TGFBR3: variants seen among roughly 807,000 people sequenced by gnomAD.
TGFBR3 encodes the protein transforming growth factor beta receptor type 3.
A neutral mutation model predicts 87.9 loss-of-function variants in TGFBR3; 46 were observed. The ratio of observed to expected loss-of-function variants is 0.52; its 90% CI spans 0.41 to 0.67. The LOEUF (loss-of-function observed/expected upper bound fraction) is 0.67. Among genes scored for constraint, TGFBR3 ranks in the 30% least tolerant of loss-of-function variants. The pLI, the probability that TGFBR3 is intolerant of heterozygous loss-of-function variation, is 0.00. For synonymous variants in TGFBR3, 381 were observed against 391.6 expected (o/e 0.97, Z 0.32); for missense variants, 866 against 1,041.9 (o/e 0.83, Z 2.32).
chr1:91,681,883 C>T lies in TGFBR3; in HGVS notation c.*1856G>A, dbSNP rs1293780173. On this transcript the variant is annotated 3_prime_UTR_variant, in exon 17 of 17. Coordinates refer to ENST00000212355, the MANE Select transcript of TGFBR3 (RefSeq NM_003243.5). ...CAGGTAGCGTAATCTAGGTCCTCCA[C>T]TCTGATACCCTTCTGTTAAAAAAAA... 8.9e-6 allele frequency: 4 copies of T among 451,164 alleles called. No individual in the cohort carries two copies. In the East Asian group the frequency reaches 2.1e-4, roughly 23 times the overall value. 27.9% of individuals were successfully genotyped at this position (451,164 alleles called of 1,614,324 possible).
At chr1:91,874,778 C>T (rs1018941601) in intron 1 of TGFBR3, among the ~76,000 whole-genome samples, 1 of 152,132 alleles carries the variant, frequency 6.6e-6, no homozygotes, top group Non-Finnish European at 1.5e-5. Flanking sequence ...CAGGCGTGAG[C>T]CACTGCGCCC....
intron 1 of TGFBR3, among the ~76,000 whole-genome samples, chr1:91,901,569 T>G (rs535268465): frequency 1.4e-4 from 21 of 152,302 alleles, no homozygotes; most frequent in South Asian, 6.2e-4. Context: ...ATAACATGTT[T>G]AAAGACATCA....
At chr1:91,719,016 G>A (rs1253706422) in intron 10 of TGFBR3, among the ~76,000 whole-genome samples, 1 of 152,184 alleles carries the variant, frequency 6.6e-6, no homozygotes, top group East Asian at 1.9e-4. Flanking sequence ...GGCCAGTTGA[G>A]CTTGGGCACT....
intron 3 of TGFBR3, among the ~76,000 whole-genome samples, chr1:91,780,826 G>A (rs1674736608): frequency 6.6e-6 from 1 of 151,286 alleles, no homozygotes; most frequent in Non-Finnish European, 1.5e-5. Flanking sequence ...CCAAAGTGCT[G>A]GGATTACAGG....
At chr1:91,864,184 A>C (rs1450150662) in intron 1 of TGFBR3, 1 of 152,254 alleles carries the variant, frequency 6.6e-6, no homozygotes, top group Non-Finnish European at 1.5e-5. Context: ...GCTTGTGGGA[A>C]TATTTAATGA....
At chr1:91,898,105 GAA>G (rs1365628330) in intron 2 of TGFBR3, among the ~76,000 whole-genome samples, 1 of 150,190 alleles carries the variant, frequency 6.7e-6, no homozygotes, top group Admixed American at 6.6e-5. Flanking sequence ...AGGAAAAAAA[GAA>G]AAAAAATTAC....
chr1:91,788,934 G>A (rs1419110696), intron 3 of TGFBR3, among the ~76,000 whole-genome samples: 1 of 152,192 alleles, frequency 6.6e-6, no homozygotes, highest in Non-Finnish European at 1.5e-5. Context: ...GTACAGGTCA[G>A]GGTTCTAACC....
At position 91,712,510 on chromosome 1, in the gene TGFBR3, T is replaced by C; in HGVS notation, c.1899A>G (p.Gly633=). The change falls in exon 13 of 17, where the codon GGA becomes GGG. Residue 633 remains glycine, a synonymous_variant. Transcript: ENST00000212355. The stretch of plus-strand genomic sequence containing the variant: ...AGATAAAGCACGTTTGGATGGCAAA[T>C]CCCAGTTCTTGTTCAGCCTTAGTAA... ...VSVTKAEQEL[G]FAIQTCFISP... is the part of the protein sequence containing the mutation. 1 of 1,614,162 alleles carries C rather than the reference T, an allele frequency of 6.2e-7. No homozygotes were observed. The highest frequency in any genetic ancestry group is 8.5e-7 in the Non-Finnish European group (1 of 1,180,012).
intron 2 of TGFBR3, among the ~76,000 whole-genome samples, chr1:91,799,812 C>T (rs1675533728): frequency 6.6e-6 from 1 of 152,148 alleles, no homozygotes; most frequent in Admixed American, 6.5e-5. Flanking sequence ...CTCACCTCCA[C>T]ACTGGGGCAG....
intron 1 of TGFBR3, among the ~76,000 whole-genome samples, chr1:91,869,304 A>G (rs1678499478): frequency 1.3e-5 from 2 of 152,238 alleles, no homozygotes; most frequent in South Asian, 4.1e-4. Context: ...CACTTGGCTG[A>G]CAGCGGGCAT....
rs67134125 is a variant in TGFBR3, at chr1:91,865,202, CAAA to C, written c.-113-3561_-113-3559del. 6.0e-3 allele frequency among the ~76,000 whole-genome samples: 627 copies of C among 105,246 alleles called. 5 individuals are homozygous for C. Among genetic ancestry groups the C allele is most frequent in the Non-Finnish European group, 8.1e-3 (423 of 52,534 alleles). The allele number at this position is 105,246 out of a possible 152,430, so 69.0% of individuals were successfully genotyped here. A position where few individuals can be genotyped will look rare whatever the true frequency, so the allele number is the denominator to read the frequency against. ...TGGACAACAGAGTGAGACTCCATCTCAAAAAAAAAAAAAAAAAGAAAAAAAGAA... is the reference window on the plus strand; with the variant it reads ...TGGACAACAGAGTGAGACTCCATCTCAAAAAAAAAAAAAAGAAAAAAAGAA... On this transcript the variant is annotated intron_variant, in intron 1 of 16. Coordinates refer to ENST00000212355, the MANE Select transcript of TGFBR3 (RefSeq NM_003243.5).
rs1391353789 is a variant in TGFBR3 at position 91,682,125 on chromosome 1, T to C, written c.*1614A>G. On this transcript the variant is annotated 3_prime_UTR_variant, in exon 17 of 17. Coordinates refer to ENST00000212355, the MANE Select transcript of TGFBR3 (RefSeq NM_003243.5). The stretch of plus-strand genomic sequence containing the variant: ...TTACTCAACGATTTGGTAAAAATGA[T>C]TGTCAATTTCCACATACTTGTTTCC... 1 of 454,086 alleles carries C rather than the reference T, an allele frequency of 2.2e-6. No individual in the cohort carries two copies. Among genetic ancestry groups the C allele is most frequent in the Non-Finnish European group, 4.4e-6 (1 of 226,772 alleles). The allele number at this position is 454,086 out of a possible 1,614,324, so 28.1% of individuals were successfully genotyped here.
chr1:91,829,302 G>A (rs1011416924), intron 2 of TGFBR3, among the ~76,000 whole-genome samples: 2 of 151,986 alleles, frequency 1.3e-5, no homozygotes, highest in Non-Finnish European at 2.9e-5. Context: ...CTTGAACCCA[G>A]GAGGCAGAGG....
intron 14 of TGFBR3, 33 bp from the exon 15 acceptor site, chr1:91,698,163 A>G (rs1375404776): frequency 1.9e-6 from 3 of 1,595,082 alleles, no homozygotes; most frequent in African/African-American, 2.7e-5. Flanking sequence ...AATGTATTCT[A>G]TGGAGAACCA....
chr1:91,900,959 C>T (rs1481660174), intron 1 of TGFBR3, among the ~76,000 whole-genome samples: 3 of 152,174 alleles, frequency 2.0e-5, no homozygotes, highest in African/African-American at 4.8e-5. Context: ...CTTCTGGGCT[C>T]GGATGATCCT....
intron 1 of TGFBR3, among the ~76,000 whole-genome samples, chr1:91,871,662 C>A (rs532626119): frequency 6.6e-6 from 1 of 152,168 alleles, no homozygotes; most frequent in South Asian, 2.1e-4. Flanking sequence ...AAAGCTATGA[C>A]AATATCTAAA....
At chr1:91,685,447 C>T (rs930087762) in intron 16 of TGFBR3, among the ~76,000 whole-genome samples, 6 of 151,620 alleles carry the variant, frequency 4.0e-5, no homozygotes, top group South Asian at 2.1e-4. Flanking sequence ...CTCAGCCTCC[C>T]GAGTACCTGG....
chr1:91,892,913 AG>A (rs1679479402), intron 2 of TGFBR3, among the ~76,000 whole-genome samples: 1 of 152,346 alleles, frequency 6.6e-6, no homozygotes, highest in East Asian at 1.9e-4. Context: ...AGGTAGCTTC[AG>A]GGAAATGCTT....
chr1:91,901,109 T>C (rs541991112), intron 1 of TGFBR3, among the ~76,000 whole-genome samples: 1 of 152,336 alleles, frequency 6.6e-6, no homozygotes, highest in South Asian at 2.1e-4. Flanking sequence ...ACATTCCCAC[T>C]AACACTTTAC....
Sources: gnomAD v4.1 joint callset for allele counts (sites outside exome capture counted in the v4.1 genomes callset) on GRCh38, gnomAD v4.1.1 for gene constraint, MANE v1.5 for transcripts, NCBI Gene and HGNC (gene_info 2026-07-23, HGNC 2026-07-21) for gene names.